The following P2RX1 variants were observed in gnomAD, a reference collection of about 807,000 sequenced individuals.
P2RX1 encodes the protein purinergic receptor P2X 1.
Under a neutral mutation model 50.3 loss-of-function variants are expected in P2RX1, and 42 were observed. The observed-to-expected ratio is 0.83, with a 90% CI of 0.65 to 1.08. The LOEUF (loss-of-function observed/expected upper bound fraction) is 1.08. Ranked by LOEUF, P2RX1 falls within the 50% of genes least tolerant of loss-of-function variation. The pLI is 0.00. For missense variants in P2RX1, 449 were observed against 529.0 expected (o/e 0.85, Z 1.48); for synonymous variants, 199 against 202.6 (o/e 0.98, Z 0.15).
At position 3,903,798 on chromosome 17, in the gene P2RX1, T is replaced by G. The variant is rs1413374615; in HGVS notation, c.524+130A>C. 1.8e-6 allele frequency: 2 copies of G among 1,095,188 alleles called. No individual in the cohort carries two copies. Among genetic ancestry groups the G allele is most frequent in the Non-Finnish European group, 2.8e-6 (2 of 722,726 alleles). The allele number at this position is 1,095,188 out of a possible 1,614,324, so 67.8% of individuals were successfully genotyped here. On this transcript the variant is annotated intron_variant, in intron 5 of 11. Transcript: ENST00000225538. The surrounding 1 kb of genome is among the most constrained non-coding windows in gnomAD (Gnocchi z 4.6). ...AGCGTGGCCAGGACCCAGGGGAATC[T>G]TCAGCCTAGGTTGCGCGGATGGGGT...
rs142506533 is a variant in P2RX1, at chr17:3,900,378, C to A, written c.748-617G>T. On this transcript the variant is annotated intron_variant, in intron 7 of 11. Transcript: ENST00000225538. ...CTGAGGCAGGAGAATCATTTGAACCCGAGAGACAGAGGTTGCAGTGAGCCG... is the reference window on the plus strand; with the variant it reads ...CTGAGGCAGGAGAATCATTTGAACCAGAGAGACAGAGGTTGCAGTGAGCCG... 6.2e-3 allele frequency among the ~76,000 whole-genome samples: 927 copies of A among 148,848 alleles called. 8 individuals carry two copies. The highest frequency in any genetic ancestry group is 0.021 in the African/African-American group (863 of 40,386).
chr17:3,906,160 C>T (rs1232027905), intron 1 of P2RX1, among the ~76,000 whole-genome samples: 3 of 152,004 alleles, frequency 2.0e-5, no homozygotes, highest in African/African-American at 7.2e-5. Flanking sequence ...GAGACGGAGT[C>T]TCGCTTTGTC....
At chr17:3,910,926 G>A (rs538753790) in intron 1 of P2RX1, among the ~76,000 whole-genome samples, 82 of 152,324 alleles carry the variant, frequency 5.4e-4, no homozygotes, top group African/African-American at 1.9e-3. Context: ...ATGACTAACT[G>A]AATGTGGAAT....
At chr17:3,901,334 T>TG (rs2056141557) in intron 7 of P2RX1, among the ~76,000 whole-genome samples, 1 of 152,258 alleles carries the variant, frequency 6.6e-6, no homozygotes, top group Admixed American at 6.5e-5. Flanking sequence ...CCCAAAGTGC[T>TG]GGGATTACAG....
At position 3,899,762 on chromosome 17, in the gene P2RX1, C is replaced by T; in HGVS notation, c.748-1G>A. The T allele has an allele frequency of 6.2e-7, 1 of 1,613,470 alleles. No individual in the cohort carries two copies. The highest frequency in any genetic ancestry group is 8.5e-7 in the Non-Finnish European group (1 of 1,179,578). The stretch of plus-strand genomic sequence containing the variant: ...CGATGGTGATGCCAACCACTCCACC[C>T]TGCCAGGGACACAAGTAGTTAAGAT... On this transcript the variant is annotated splice_acceptor_variant, in intron 7 of 11. Coordinates refer to ENST00000225538, the MANE Select transcript of P2RX1 (RefSeq NM_002558.4). LOFTEE classifies it high-confidence loss of function.
intron 7 of P2RX1, among the ~76,000 whole-genome samples, chr17:3,902,780 G>A (rs2056174879): frequency 6.6e-6 from 1 of 151,084 alleles, no homozygotes; most frequent in Non-Finnish European, 1.5e-5. Context: ...GCTAATTTTT[G>A]TATTTTTAGT....
At chr17:3,905,459 A>T in intron 1 of P2RX1, 92 bp from the exon 2 acceptor site, 1 of 1,420,472 alleles carries the variant, frequency 7.0e-7, no homozygotes, top group Non-Finnish European at 9.8e-7. Flanking sequence ...TGTGCCTCTG[A>T]GCCACCATCT....
At chr17:3,909,123 C>A (rs1342391565) in intron 1 of P2RX1, among the ~76,000 whole-genome samples, 1 of 152,108 alleles carries the variant, frequency 6.6e-6, no homozygotes, top group Non-Finnish European at 1.5e-5. Context: ...CTCCACCTCC[C>A]GGGTTCAAGC....
At position 3,903,977 on chromosome 17, in the gene P2RX1, A is replaced by AG; in HGVS notation, c.474_475insC (p.Cys159LeufsTer2). The AG allele has an allele frequency of 6.2e-7, 1 of 1,614,102 alleles. No individual in the cohort carries two copies. The highest frequency in any genetic ancestry group is 1.1e-5 in the South Asian group (1 of 91,084). ...ACGGGGCACCAGCCAAAGATCTCAC[A>AG]CGTCTTCACAGTGTCGTTGAAGGCC... On this transcript the variant is annotated frameshift_variant, in exon 5 of 12. Transcript: ENST00000225538. LOFTEE classifies it high-confidence loss of function. The surrounding 1 kb of genome is among the most constrained non-coding windows in gnomAD (Gnocchi z 4.6).
chr17:3,903,884 G>A lies in P2RX1; in HGVS notation c.524+44C>T. On this transcript the variant is annotated intron_variant, in intron 5 of 11. Transcript: ENST00000225538. The surrounding 1 kb of genome is among the most constrained non-coding windows in gnomAD (Gnocchi z 4.6). ...CTAGACCTAGGCCCCCCTCTGTCTG[G>A]CCTGGGACCCTGTTCTTAGCTCTCT... 6.6e-7 allele frequency: 1 copy of A among 1,506,800 alleles called. No individual in the cohort carries two copies. Among genetic ancestry groups the A allele is most frequent in the Non-Finnish European group, 9.2e-7 (1 of 1,082,086 alleles). 93.3% of individuals were successfully genotyped at this position (1,506,800 alleles called of 1,614,324 possible).
rs183327333 is a variant in P2RX1 at position 3,914,852 on chromosome 17, A to T, written c.137+1237T>A. 4.3e-4 allele frequency among the ~76,000 whole-genome samples: 66 copies of T among 152,334 alleles called. No individual in the cohort carries two copies. Among genetic ancestry groups the T allele is most frequent in the African/African-American group, 1.5e-3 (64 of 41,580 alleles). ...TCCCTCACAAGCTCAGACATCACAG[A>T]TGTCAAATTAGTTTCTGAACAAGAG... On this transcript the variant is annotated intron_variant, in intron 1 of 11. Transcript: ENST00000225538. The surrounding 1 kb of genome is among the most constrained non-coding windows in gnomAD (Gnocchi z 4.1).
At chr17:3,909,961 T>C (rs1271440096) in intron 1 of P2RX1, among the ~76,000 whole-genome samples, 1 of 149,832 alleles carries the variant, frequency 6.7e-6, no homozygotes, top group Non-Finnish European at 1.5e-5. Context: ...GGTGATGTCC[T>C]GATAAATTCT....
At chr17:3,915,408 C>T (rs75271826) in intron 1 of P2RX1, 1 of 454,884 alleles carries the variant, frequency 2.2e-6, no homozygotes, top group South Asian at 1.6e-5. Flanking sequence ...CTCTGCCAGG[C>T]CTGTCTTGGC....
Position 3,897,163 on chromosome 17 carries a change from G to C in P2RX1, c.*651C>G, listed in dbSNP as rs1032102587. On this transcript the variant is annotated 3_prime_UTR_variant, in exon 12 of 12. Transcript: ENST00000225538. The stretch of plus-strand genomic sequence containing the variant: ...AGTTTGCCATCCACACAGATCATAC[G>C]GCCAGCCCTGGAGCTTTTGGTTCAG... 6.4e-6 allele frequency: 1 copy of C among 156,936 alleles called. No homozygotes were observed. The highest frequency in any genetic ancestry group is 2.4e-5 in the African/African-American group (1 of 41,444). The allele number at this position is 156,936 out of a possible 1,614,324, so 9.7% of individuals were successfully genotyped here.
chr17:3,911,598 A>C (rs1597528682), intron 1 of P2RX1, among the ~76,000 whole-genome samples: 1 of 74,732 alleles, frequency 1.3e-5, no homozygotes, highest in Non-Finnish European at 2.6e-5. Flanking sequence ...CCCCACGCCC[A>C]CCCCTGCCTG....
chr17:3,904,669 T>C (rs879816506), intron 3 of P2RX1, 189 bp downstream of exon 3: 19 of 636,302 alleles, frequency 3.0e-5, no homozygotes, highest in Non-Finnish European at 5.1e-5. Context: ...GTACACCGTG[T>C]GCTGGGCGGG....
chr17:3,905,508 C>G, intron 1 of P2RX1, 141 bp from the exon 2 acceptor site: 13 of 844,356 alleles, frequency 1.5e-5, no homozygotes, highest in Non-Finnish European at 2.2e-5. Flanking sequence ...GGCAGGACAG[C>G]CTCCCCTGCC....
Position 3,903,050 on chromosome 17 carries a change from T to C in P2RX1, c.747+152A>G. On this transcript the variant is annotated intron_variant, in intron 7 of 11. Transcript: ENST00000225538. The surrounding 1 kb of genome is among the most constrained non-coding windows in gnomAD (Gnocchi z 4.6). ...CCAGGACCTGCTGAAGACATGGATC[T>C]GACGCTCAGGGGGCCCCAGTATCAG... 1 of 977,220 alleles carries C rather than the reference T, an allele frequency of 1.0e-6. No individual in the cohort carries two copies. Among genetic ancestry groups the C allele is most frequent in the Non-Finnish European group, 1.6e-6 (1 of 644,242 alleles). The allele number at this position is 977,220 out of a possible 1,614,324, so 60.5% of individuals were successfully genotyped here.
Position 3,904,355 on chromosome 17 carries a change from AG to A in P2RX1, c.401del (p.Pro134LeufsTer23). On this transcript the variant is annotated frameshift_variant, in exon 4 of 12. Coordinates refer to ENST00000225538, the MANE Select transcript of P2RX1 (RefSeq NM_002558.4). LOFTEE classifies it high-confidence loss of function. ...GICKEDSGCT[P>X]GKAKRKAQGI... ...CTTGGGCCTTCCTCTTGGCCTTCCC[AG>A]GGGTACAGCCACTGTCTTCCTTGCA... The A allele has an allele frequency of 6.2e-7, 1 of 1,613,984 alleles. No homozygotes were observed. The highest frequency in any genetic ancestry group is 8.5e-7 in the Non-Finnish European group (1 of 1,179,946).
Sources: gnomAD v4.1 joint callset for allele counts (sites outside exome capture counted in the v4.1 genomes callset) on GRCh38, gnomAD v4.1.1 for gene constraint, Gnocchi (gnomAD v3.1) non-coding constraint, MANE v1.5 for transcripts, NCBI Gene and HGNC (gene_info 2026-07-23, HGNC 2026-07-21) for gene names.